The following SENP6 variants were observed in gnomAD, a reference collection of about 807,000 sequenced individuals.
SENP6 encodes sentrin-specific protease 6.
Under a neutral mutation model 134.5 loss-of-function variants are expected in SENP6, and 41 were observed. The observed-to-expected ratio is 0.30, with a 90% CI of 0.24 to 0.40. The LOEUF is 0.40. Among genes scored for constraint, SENP6 ranks in the 10% least tolerant of loss-of-function variants. The pLI is 1.00. For synonymous variants in SENP6, 395 were observed against 429.8 expected (o/e 0.92, Z 1.00); for missense variants, 1,248 against 1,312.5 (o/e 0.95, Z 0.76).
intron 7 of SENP6, among the ~76,000 whole-genome samples, chr6:75,652,188 A>T (rs982345791): frequency 6.6e-6 from 1 of 151,908 alleles, no homozygotes; most frequent in Admixed American, 6.6e-5. Flanking sequence ...GAAAAATAAA[A>T]AGAATCAAAT....
intron 16 of SENP6, among the ~76,000 whole-genome samples, chr6:75,683,795 T>C (rs10943277): frequency 0.11 from 17,186 of 152,258 alleles, 988 homozygotes; most frequent in African/African-American, 0.14. Flanking sequence ...ATTTGGTTAC[T>C]GTAGCTTTGT....
chr6:75,692,214 G>T (rs1298941226), intron 16 of SENP6, among the ~76,000 whole-genome samples: 1 of 152,024 alleles, frequency 6.6e-6, no homozygotes, highest in African/African-American at 2.4e-5. Context: ...TGAGAGATAT[G>T]ATTATTATTT....
intron 1 of SENP6, among the ~76,000 whole-genome samples, chr6:75,615,217 G>C (rs372371869): frequency 1.3e-5 from 2 of 151,678 alleles, no homozygotes; most frequent in East Asian, 3.9e-4. Flanking sequence ...GTCTTGCTGT[G>C]TCGCGCAGGC....
intron 18 of SENP6, among the ~76,000 whole-genome samples, chr6:75,702,077 A>G (rs1304570013): frequency 6.6e-6 from 1 of 152,064 alleles, no homozygotes; most frequent in African/African-American, 2.4e-5. Context: ...GAAAGCGTTC[A>G]GGGATTGTTT....
chr6:75,646,221 AGAC>A (rs1770423984), intron 6 of SENP6, among the ~76,000 whole-genome samples: 1 of 152,208 alleles, frequency 6.6e-6, no homozygotes, highest in Non-Finnish European at 1.5e-5. Flanking sequence ...CTTTCTTATA[AGAC>A]TGTTACTACT....
chr6:75,669,330 T>G (rs1354385590), intron 10 of SENP6, among the ~76,000 whole-genome samples: 1 of 152,192 alleles, frequency 6.6e-6, no homozygotes, highest in Admixed American at 6.5e-5. Context: ...CACTCCAGCC[T>G]GTGCGACAGA....
chr6:75,689,528 T>G (rs1774089985), intron 16 of SENP6, among the ~76,000 whole-genome samples: 1 of 152,194 alleles, frequency 6.6e-6, no homozygotes, highest in Admixed American at 6.5e-5. Context: ...TCAAAAAATT[T>G]GAAATAGAAC....
chr6:75,636,875 A>AT (rs57572863), intron 5 of SENP6, among the ~76,000 whole-genome samples: 84,391 of 143,324 alleles, frequency 0.59, 26,846 homozygotes, highest in Non-Finnish European at 0.73. Context: ...TGAAGTCTTA[A>AT]TTTTTTTTTT....
At chr6:75,693,420 A>C (rs1000984295) in intron 16 of SENP6, among the ~76,000 whole-genome samples, 3 of 151,434 alleles carry the variant, frequency 2.0e-5, no homozygotes, top group Non-Finnish European at 2.9e-5. Flanking sequence ...AAAAAAAAAA[A>C]AAAAAAAAAC....
intron 3 of SENP6, among the ~76,000 whole-genome samples, chr6:75,628,673 A>G (rs1768880432): frequency 6.6e-6 from 1 of 152,186 alleles, no homozygotes; most frequent in African/African-American, 2.4e-5. Context: ...TCCTGGTTAC[A>G]TTCTAAATAG....
intron 18 of SENP6, among the ~76,000 whole-genome samples, chr6:75,698,159 G>GT (rs1306965690): frequency 2.0e-5 from 3 of 152,172 alleles, no homozygotes; most frequent in Non-Finnish European, 4.4e-5. Flanking sequence ...ATCAAGGAAT[G>GT]ACACACACCA....
chr6:75,665,850 A>T (rs1207385426), intron 9 of SENP6, among the ~76,000 whole-genome samples: 2 of 151,856 alleles, frequency 1.3e-5, no homozygotes, highest in African/African-American at 4.8e-5. Flanking sequence ...AACATGGAGA[A>T]ACCCCATCTC....
intron 16 of SENP6, among the ~76,000 whole-genome samples, chr6:75,688,833 C>T (rs577269886): frequency 7.9e-5 from 12 of 152,234 alleles, no homozygotes; most frequent in South Asian, 4.2e-4. Flanking sequence ...TTTGGGAAGC[C>T]GAGGCAGGTG....
In SENP6 at chr6:75,602,378, A is replaced by C. The variant is rs542625302; in HGVS notation, c.-147A>C. 4.5e-5 allele frequency: 41 copies of C among 912,564 alleles called. No individual in the cohort carries two copies. In the African/African-American group the frequency reaches 5.8e-4, roughly 13 times the overall value. 56.5% of individuals were successfully genotyped at this position (912,564 alleles called of 1,614,324 possible). Reference sequence around the variant, plus strand: ...GCCTGCCTTTGTATAGGCCCGTCTGAACGTGGGAGCGCAGCCCGCCTGACG... The same window carrying C: ...GCCTGCCTTTGTATAGGCCCGTCTGCACGTGGGAGCGCAGCCCGCCTGACG... On this transcript the variant is annotated 5_prime_UTR_variant, in exon 1 of 24. Transcript: ENST00000447266.
At chr6:75,703,179 G>A in intron 19 of SENP6, 107 bp downstream of exon 19, 3 of 954,228 alleles carry the variant, frequency 3.1e-6, no homozygotes, top group Non-Finnish European at 4.7e-6. Flanking sequence ...TTAATGACTG[G>A]GTGTGGTGGC....
chr6:75,681,426 CTCTTT>C (rs1435082620), intron 16 of SENP6, among the ~76,000 whole-genome samples: 1 of 151,934 alleles, frequency 6.6e-6, no homozygotes, highest in African/African-American at 2.4e-5. Flanking sequence ...TCAATTAAAC[CTCTTT>C]TCTTTATAAA....
chr6:75,695,031 C>A (rs933573104), intron 16 of SENP6, among the ~76,000 whole-genome samples: 2 of 151,936 alleles, frequency 1.3e-5, no homozygotes, highest in Non-Finnish European at 2.9e-5. Flanking sequence ...CTCGCCACCA[C>A]ACCCGGCTAA....
rs770429410 is a variant in SENP6 at position 75,709,550 on chromosome 6, A to G, written c.2740A>G (p.Asn914Asp). 1.2e-6 allele frequency: 2 copies of G among 1,613,922 alleles called. No homozygotes were observed. Among genetic ancestry groups the G allele is most frequent in the Non-Finnish European group, 1.7e-6 (2 of 1,179,860 alleles). The stretch of plus-strand genomic sequence containing the variant: ...AGATGGCTTAAGCAAAATCAGACTA[A>G]ACTATAGCGATGAATCACCTGAAGC... The part of the protein sequence containing the change: ...HTDGLSKIRL[N>D]YSDESPEAGK... Residue 914 changes from asparagine (N) to aspartate (D), a missense_variant, in exon 20 of 24, where the codon AAC (asparagine) becomes GAC (aspartate). By Grantham distance (23) the Asn-to-Asp change is conservative. Around this residue, in one of 3 missense-constraint regions of SENP6, gnomAD observed 386 missense variants for 395.0 expected, o/e 0.98. Transcript: ENST00000447266.
chr6:75,697,732 T>G (rs1450347270), intron 18 of SENP6: 8 of 423,846 alleles, frequency 1.9e-5, no homozygotes, highest in Non-Finnish European at 3.4e-5. Context: ...ACCAGATACC[T>G]TTCTAATCTC....
Sources: gnomAD v4.1 joint callset for allele counts (sites outside exome capture counted in the v4.1 genomes callset) on GRCh38, gnomAD v4.1.1 for gene constraint, gnomAD v4.1.1 regional missense constraint, MANE v1.5 for transcripts, NCBI Gene and HGNC (gene_info 2026-07-23, HGNC 2026-07-21) for gene names.